The following CERT1 variants were observed in gnomAD, a reference collection of about 807,000 sequenced individuals.
CERT1 encodes ceramide transporter 1, also known as ceramide transfer protein.
A neutral mutation model predicts 87.9 loss-of-function variants in CERT1; 31 were observed. The ratio of observed to expected loss-of-function variants is 0.35; its 90% CI spans 0.27 to 0.48. The LOEUF (loss-of-function observed/expected upper bound fraction) is 0.48. Ranked by LOEUF, CERT1 falls within the 20% of genes least tolerant of loss-of-function variation. The pLI, the probability that CERT1 is intolerant of heterozygous loss-of-function variation, is 0.99. For synonymous variants in CERT1, 289 were observed against 250.9 expected, an observed-to-expected ratio of 1.15 and a Z score of -1.44; for missense variants, 487 against 758.0, an observed-to-expected ratio of 0.64 and a Z score of 4.20.
intron 3 of CERT1, among the ~76,000 whole-genome samples, chr5:75,436,976 G>C (rs1181128366): frequency 1.3e-5 from 2 of 151,990 alleles, no homozygotes; most frequent in Non-Finnish European, 2.9e-5. Context: ...TTTAAAGACG[G>C]GGTCTTATTA....
Position 75,379,466 on chromosome 5 carries a change from A to C in CERT1, c.1755T>G (p.Pro585=). 6.2e-7 allele frequency: 1 copy of C among 1,612,860 alleles called. No homozygotes were observed. The highest frequency in any genetic ancestry group is 2.2e-5 in the East Asian group (1 of 44,840). The change falls in exon 17 of 17, where the codon CCT becomes CCG. Residue 585 remains proline, a synonymous_variant. Coordinates refer to ENST00000643780, the MANE Select transcript of CERT1 (RefSeq NM_001379029.1). ...CKITYVANVN[P]GGWAPASVLR... is the part of the protein sequence containing the mutation. Reference sequence around the variant, plus strand: ...ACACTGAGGCTGGTGCCCATCCTCCAGGGTTCACTGCAAGATAAAGGAAAA... The same window carrying C: ...ACACTGAGGCTGGTGCCCATCCTCCCGGGTTCACTGCAAGATAAAGGAAAA...
chr5:75,434,808 T>C (rs1471035897), intron 3 of CERT1, among the ~76,000 whole-genome samples: 7 of 152,168 alleles, frequency 4.6e-5, no homozygotes, highest in Non-Finnish European at 8.8e-5. Flanking sequence ...TGAGGGTTTT[T>C]TGTATTTCTG....
At chr5:75,379,796 G>A (rs1761488977) in intron 16 of CERT1, among the ~76,000 whole-genome samples, 1 of 152,048 alleles carries the variant, frequency 6.6e-6, no homozygotes, top group Non-Finnish European at 1.5e-5. Flanking sequence ...TGTTGGCTAG[G>A]ATGGTCTCGA....
chr5:75,379,782 A>C (rs569354816), intron 16 of CERT1, among the ~76,000 whole-genome samples: 28 of 151,972 alleles, frequency 1.8e-4, no homozygotes, highest in Non-Finnish European at 3.4e-4. Context: ...ATGGGTTTTC[A>C]CCATGTTGGC....
intron 2 of CERT1, among the ~76,000 whole-genome samples, chr5:75,485,350 A>G (rs1161629173): frequency 1.3e-5 from 2 of 149,818 alleles, no homozygotes; most frequent in Non-Finnish European, 3.0e-5. Context: ...ACAAAAAGAA[A>G]GGAAAGAGAG....
At chr5:75,422,201 C>T (rs1226703401) in intron 5 of CERT1, among the ~76,000 whole-genome samples, 2 of 152,156 alleles carry the variant, frequency 1.3e-5, no homozygotes, top group South Asian at 4.1e-4. Flanking sequence ...GAGATGATTA[C>T]AGTATCAGCC....
At chr5:75,369,929 T>C (rs1761025373) in intron 17 of CERT1, 1 of 152,166 alleles carries the variant, frequency 6.6e-6, no homozygotes, top group African/African-American at 2.4e-5. Context: ...ATATAAATGA[T>C]AGTATGAACT....
intron 3 of CERT1, among the ~76,000 whole-genome samples, chr5:75,440,967 T>C (rs1177237208): frequency 1.3e-5 from 2 of 152,098 alleles, no homozygotes; most frequent in African/African-American, 4.8e-5. Context: ...GCTAATAAGG[T>C]CTTGGTAGAG....
rs562502283 is a variant in CERT1 at position 75,457,351 on chromosome 5, G to T, written c.348+1714C>A. 2.6e-5 allele frequency among the ~76,000 whole-genome samples: 4 copies of T among 152,266 alleles called. No homozygotes were observed. The East Asian group carries it at 7.7e-4, about 29-fold the overall frequency. On this transcript the variant is annotated intron_variant, in intron 3 of 16. Coordinates refer to ENST00000643780, the MANE Select transcript of CERT1 (RefSeq NM_001379029.1). Reference sequence around the variant, plus strand: ...GCAGAAGTACCAACATGGCAGCTGAGAATAAACACTAAGAAGAGGTTAATT... The same window carrying T: ...GCAGAAGTACCAACATGGCAGCTGATAATAAACACTAAGAAGAGGTTAATT...
intron 3 of CERT1, among the ~76,000 whole-genome samples, chr5:75,442,659 CCT>C (rs1025017336): frequency 2.0e-5 from 3 of 152,070 alleles, no homozygotes; most frequent in Non-Finnish European, 4.4e-5. Context: ...ACAGTAATCC[CCT>C]CTTTTCCCTG....
intron 2 of CERT1, among the ~76,000 whole-genome samples, chr5:75,460,493 G>T (rs1041728520): frequency 6.6e-5 from 10 of 152,098 alleles, no homozygotes; most frequent in African/African-American, 2.2e-4. Context: ...TATAAAAAAT[G>T]AATGTTTTAC....
intron 2 of CERT1, among the ~76,000 whole-genome samples, chr5:75,492,260 G>T (rs1328237485): frequency 1.3e-5 from 2 of 152,146 alleles, no homozygotes; most frequent in Admixed American, 6.5e-5. Context: ...AGCTACTACG[G>T]AGGCTGAGGC....
At chr5:75,446,063 G>A (rs1027688083) in intron 3 of CERT1, among the ~76,000 whole-genome samples, 1 of 152,014 alleles carries the variant, frequency 6.6e-6, no homozygotes, top group East Asian at 1.9e-4. Flanking sequence ...CATCAAATTT[G>A]GGAAGTTTTC....
chr5:75,510,143 CAT>C (rs1363887581), intron 1 of CERT1, among the ~76,000 whole-genome samples: 1 of 152,166 alleles, frequency 6.6e-6, no homozygotes, highest in African/African-American at 2.4e-5. Flanking sequence ...CTGCACATGA[CAT>C]AGTATCTTAT....
Position 75,385,974 on chromosome 5 carries a change from C to A in CERT1, c.1345G>T (p.Ala449Ser). 6.3e-7 allele frequency: 1 copy of A among 1,597,856 alleles called. No homozygotes were observed. Among genetic ancestry groups the A allele is most frequent in the Non-Finnish European group, 8.5e-7 (1 of 1,171,786 alleles). The change falls in exon 13 of 17, where the codon GCA becomes TCA. Residue 449 changes from alanine (A) to serine (S), a missense_variant. Ala to Ser is a moderately conservative substitution (Grantham distance 99, BLOSUM62 1). Coordinates refer to ENST00000643780, the MANE Select transcript of CERT1 (RefSeq NM_001379029.1). ...TCATGTCCTGTGACGCCTTTAACTG[C>A]ATGGGTAGCTTTTAAAGGATCCAGA... ...IVLDPLKATH[A>S]VKGVTGHEVC... is the part of the protein sequence containing the mutation.
chr5:75,505,197 G>C (rs1477932515), intron 2 of CERT1: 1 of 152,282 alleles, frequency 6.6e-6, no homozygotes, highest in Non-Finnish European at 1.5e-5. Context: ...TGAAGCAGAA[G>C]AATTGCTTGA....
intron 3 of CERT1, among the ~76,000 whole-genome samples, chr5:75,431,966 TTTTAA>T (rs1763885605): frequency 6.6e-6 from 1 of 152,194 alleles, no homozygotes; most frequent in Non-Finnish European, 1.5e-5. Context: ...GGTAGTTCTG[TTTTAA>T]GTTGTTTGAG....
chr5:75,447,639 CT>C (rs987310291), intron 3 of CERT1, among the ~76,000 whole-genome samples: 13 of 151,036 alleles, frequency 8.6e-5, no homozygotes, highest in Admixed American at 2.6e-4. Flanking sequence ...CCCAGCTAAT[CT>C]TTTTTTTGTA....
At chr5:75,511,729 A>G (rs1451302140), upstream of CERT1, 1 of 1,548,096 alleles carries the variant, frequency 6.5e-7, no homozygotes, top group Non-Finnish European at 8.7e-7. Context: ...CGACACGCCG[A>G]GCCTTCGGGA....
Sources: gnomAD v4.1 joint callset for allele counts (sites outside exome capture counted in the v4.1 genomes callset) on GRCh38, gnomAD v4.1.1 for gene constraint, MANE v1.5 for transcripts, NCBI Gene and HGNC (gene_info 2026-07-23, HGNC 2026-07-21) for gene names.